MACF1: variants seen among roughly 807,000 people sequenced by gnomAD.
MACF1 encodes the protein microtubule actin crosslinking factor 1, also known as microtubule-actin cross-linking factor 1.
A neutral mutation model predicts 854.8 loss-of-function variants in MACF1; 193 were observed. The ratio of observed to expected loss-of-function variants is 0.23; its 90% CI spans 0.20 to 0.25. The LOEUF is 0.25. MACF1 is among the 10% of genes least tolerant of loss of function. MACF1 has a pLI of 1.00. For synonymous variants in MACF1, 3,185 were observed against 3,226.7 expected, an observed-to-expected ratio of 0.99 and a Z score of 0.44; for missense variants, 7,722 against 8,929.1, an observed-to-expected ratio of 0.86 and a Z score of 5.45.
Position 39,388,571 on chromosome 1 carries a change from G to A in MACF1, c.15729G>A (p.Ala5243=), listed in dbSNP as rs72661968. ...FYRKLKGLND[A]TTAAEEAEAL... The stretch of plus-strand genomic sequence containing the variant: ...GGAAATTGAAAGGACTCAATGACGC[G>A]ACCACAGCAGCAGAGGAGGCAGAGG... The change falls in exon 58 of 101, where the codon GCG becomes GCA. Residue 5243 remains alanine (A), a synonymous_variant. Coordinates refer to ENST00000564288, the MANE Select transcript of MACF1 (RefSeq NM_001394062.1). 1,482 of 1,614,020 alleles carry A rather than the reference G, an allele frequency of 9.2e-4. 12 individuals are homozygous for A. The highest frequency in any genetic ancestry group is 3.8e-3 in the Middle Eastern group (23 of 6,062).
chr1:39,138,851 GAT>G (rs893700789), intron 2 of MACF1, among the ~76,000 whole-genome samples: 1 of 152,056 alleles, frequency 6.6e-6, no homozygotes, highest in Non-Finnish European at 1.5e-5. Flanking sequence ...TTTTAGTAGA[GAT>G]GGGGTTTTAC....
intron 68 of MACF1, 111 bp downstream of exon 68, chr1:39,433,266 T>C (rs762266780): frequency 4.9e-5 from 29 of 593,588 alleles, no homozygotes; most frequent in Non-Finnish European, 7.0e-5. Flanking sequence ...ACTTTTCTTA[T>C]GATTGTTATT....
chr1:39,451,315 A>C, intron 85 of MACF1, 104 bp downstream of exon 85: 1 of 1,169,548 alleles, frequency 8.6e-7, no homozygotes, highest in East Asian at 2.9e-5. Context: ...TCTAGGGGAG[A>C]AAGAGAGCCT....
In MACF1 at chr1:39,442,561, G is replaced by A. The variant is rs1644140389; in HGVS notation, c.19098G>A (p.Lys6366=). The A allele has an allele frequency of 1.2e-6, 2 of 1,613,956 alleles. No individual in the cohort carries two copies. The highest frequency in any genetic ancestry group is 1.1e-5 in the South Asian group (1 of 91,072). Residue 6366 remains lysine (K), a synonymous_variant, in exon 77 of 101, where the codon AAG becomes AAA. Coordinates refer to ENST00000564288, the MANE Select transcript of MACF1 (RefSeq NM_001394062.1). ...DPKVIEVELA[K]HHVLKNDVLA... ...AAGTCATTGAAGTTGAGCTCGCAAA[G>A]CACCATGTAAGTATTTTCATTTTTT...
In MACF1 at chr1:39,353,128, T is replaced by C. The variant is rs775327980; in HGVS notation, c.11321T>C (p.Leu3774Pro). ...LLTNLPGMEQ[L>P]SGASLEKGAL... ...ACCAACCTTCCAGGAATGGAGCAGC[T>C]CTCGGGAGCTAGCTTGGAGAAAGGA... The change falls in exon 44 of 101, where the codon CTC (leucine) becomes CCC (proline). Residue 3774 changes from leucine to proline, a missense_variant. Transcript: ENST00000564288. 12 of 1,614,170 alleles carry C rather than the reference T, an allele frequency of 7.4e-6. No individual in the cohort carries two copies. Among genetic ancestry groups the C allele is most frequent in the Non-Finnish European group, 1.0e-5 (12 of 1,180,026 alleles).
At chr1:39,263,100 T>C (rs1435101564) in intron 6 of MACF1, among the ~76,000 whole-genome samples, 1 of 152,154 alleles carries the variant, frequency 6.6e-6, no homozygotes, top group African/African-American at 2.4e-5. Flanking sequence ...ACATATGCTA[T>C]GTAAAGCCAA....
At chr1:39,309,261 G>GT (rs199800653) in intron 23 of MACF1, among the ~76,000 whole-genome samples, 5,170 of 142,622 alleles carry the variant, frequency 0.036, 123 homozygotes, top group East Asian at 0.17. Context: ...ATGTAGTTTA[G>GT]TTTTTTTTTT....
chr1:39,263,368 A>AT (rs963170254), intron 6 of MACF1, among the ~76,000 whole-genome samples: 5 of 151,906 alleles, frequency 3.3e-5, no homozygotes, highest in South Asian at 2.1e-4. Context: ...GCTTTAACAC[A>AT]TTTTTTTTAA....
chr1:39,328,173 G>C (rs990369570), intron 36 of MACF1, among the ~76,000 whole-genome samples: 11 of 152,160 alleles, frequency 7.2e-5, no homozygotes, highest in Non-Finnish European at 1.0e-4. Flanking sequence ...TGTGCAACAG[G>C]AGCTAGAGTT....
chr1:39,208,454 T>C (rs1644478212), intron 1 of MACF1, among the ~76,000 whole-genome samples: 1 of 151,962 alleles, frequency 6.6e-6, no homozygotes, highest in Non-Finnish European at 1.5e-5. Context: ...AAACAGGGAC[T>C]CTTTTTTTTT....
chr1:39,302,751 A>G (rs1038638605), intron 22 of MACF1, among the ~76,000 whole-genome samples, 173 bp from the exon 23 acceptor site: 1 of 152,218 alleles, frequency 6.6e-6, no homozygotes, highest in Non-Finnish European at 1.5e-5. Flanking sequence ...CCTGTGTTGT[A>G]GATTTATACC....
At chr1:39,251,207 T>TA (rs1645036889) in intron 3 of MACF1, among the ~76,000 whole-genome samples, 2 of 152,166 alleles carry the variant, frequency 1.3e-5, no homozygotes, top group African/African-American at 2.4e-5. Context: ...TAATTATATA[T>TA]TTTTTAATGG....
intron 2 of MACF1, among the ~76,000 whole-genome samples, chr1:39,170,995 T>C (rs1000077717): frequency 1.1e-4 from 16 of 152,304 alleles, no homozygotes; most frequent in African/African-American, 3.8e-4. Flanking sequence ...GCTATGTAAC[T>C]TGTCCCCCAC....
chr1:39,405,572 G>A (rs1049544927), intron 58 of MACF1, among the ~76,000 whole-genome samples: 1 of 152,236 alleles, frequency 6.6e-6, no homozygotes, highest in Non-Finnish European at 1.5e-5. Context: ...CTATGTTAGG[G>A]TGTGAGGAGA....
intron 1 of MACF1, among the ~76,000 whole-genome samples, chr1:39,223,473 A>C (rs1248348812): frequency 6.6e-6 from 1 of 151,446 alleles, no homozygotes; most frequent in Non-Finnish European, 1.5e-5. Context: ...AATAGATACA[A>C]GGTGCTTAGC....
intron 2 of MACF1, among the ~76,000 whole-genome samples, chr1:39,167,407 CT>C (rs1185014725): frequency 6.6e-6 from 1 of 151,314 alleles, no homozygotes; most frequent in Non-Finnish European, 1.5e-5. Flanking sequence ...CCCATCTCTA[CT>C]AAAAATACAA....
rs371104926 is a variant in MACF1, at chr1:39,444,790, G to A, written c.19560G>A (p.Leu6520=). ...AGACAGAACAGAGTGTAGCACTTTT[G>A]GAGCAGAAGTGGCATGTGGTCAGCA... ...GSKTEQSVAL[L]EQKWHVVSSK... Residue 6520 remains leucine (L), a synonymous_variant, in exon 80 of 101, where the codon TTG becomes TTA. Transcript: ENST00000564288. 6.2e-7 allele frequency: 1 copy of A among 1,613,350 alleles called. No homozygotes were observed. Among genetic ancestry groups the A allele is most frequent in the Non-Finnish European group, 8.5e-7 (1 of 1,179,488 alleles).
rs145681499 is a variant in MACF1 at position 39,161,110 on chromosome 1, C to T, written c.221-70072C>T. Among the ~76,000 whole-genome samples the T allele has an allele frequency of 2.0e-5, 3 of 152,210 alleles. No individual in the cohort carries two copies. The East Asian group carries it at 5.8e-4, about 29-fold the overall frequency. On this transcript the variant is annotated intron_variant, in intron 2 of 93. Transcript: ENST00000361689. ...TCCAGAATTGGGGTGCAATATTTTCCACTGCTCGTGCTTTTTCTGGAGGGC... is the reference window on the plus strand; with the variant it reads ...TCCAGAATTGGGGTGCAATATTTTCTACTGCTCGTGCTTTTTCTGGAGGGC...
chr1:39,252,044 T>C (rs1415872535), intron 4 of MACF1, 103 bp downstream of exon 4: 5 of 658,786 alleles, frequency 7.6e-6, no homozygotes, highest in African/African-American at 5.6e-5. Flanking sequence ...CAGTTACTAT[T>C]TGCCACCTTC....
Sources: allele counts gnomAD v4.1 joint callset (sites outside exome capture counted in the v4.1 genomes callset), GRCh38; gene constraint gnomAD v4.1.1; transcripts MANE v1.5; gene names NCBI Gene and HGNC (gene_info 2026-07-23, HGNC 2026-07-21).